SPATA9: variants seen among roughly 807,000 people sequenced by gnomAD.
The protein encoded by SPATA9 is spermatogenesis associated 9.
Under a neutral mutation model 25.5 loss-of-function variants are expected in SPATA9, and 27 were observed. That is an observed-to-expected ratio of 1.06 (90% CI 0.78 to 1.46). The LOEUF (loss-of-function observed/expected upper bound fraction) is 1.46, where lower values mean the gene tolerates loss of function less well. Among genes scored for constraint, SPATA9 ranks in the 40% most tolerant of loss-of-function variants. The probability of loss-of-function intolerance (pLI) is 0.00; values close to 1 mark genes in which losing one functional copy is unlikely to be tolerated. For synonymous variants in SPATA9, 102 were observed against 105.7 expected (o/e 0.97, Z 0.21); for missense variants, 282 against 297.5 (o/e 0.95, Z 0.38).
upstream of SPATA9, among the ~76,000 whole-genome samples, chr5:95,699,532 C>T (rs919845365): frequency 2.0e-5 from 3 of 151,778 alleles, no homozygotes; most frequent in Admixed American, 1.3e-4. Flanking sequence ...TTAGCAATAT[C>T]AACAAAAAAT....
At chr5:95,731,433 G>A in the SPATA9 span, 3 of 1,198,458 alleles carry the variant, frequency 2.5e-6, no homozygotes, top group Admixed American at 4.5e-5. Context: ...CGCGCCCGGC[G>A]ATGTTCCCGG....
At chr5:95,665,663 T>C (rs1422368057) in intron 3 of SPATA9, among the ~76,000 whole-genome samples, 1 of 152,218 alleles carries the variant, frequency 6.6e-6, no homozygotes, top group East Asian at 1.9e-4. Flanking sequence ...CTATTGTGAA[T>C]AGTATGCAGC....
chr5:95,667,595 C>A (rs1273708126), intron 3 of SPATA9, among the ~76,000 whole-genome samples: 1 of 152,100 alleles, frequency 6.6e-6, no homozygotes, highest in Non-Finnish European at 1.5e-5. Flanking sequence ...AAGTAGAGAG[C>A]AGACTCTCTA....
intron 2 of SPATA9, among the ~76,000 whole-genome samples, chr5:95,676,348 C>T (rs1752952683): frequency 6.6e-6 from 1 of 152,100 alleles, no homozygotes; most frequent in Non-Finnish European, 1.5e-5. Context: ...TTTTGCTGCA[C>T]CCATCACCCG....
intron 2 of SPATA9, among the ~76,000 whole-genome samples, chr5:95,677,439 A>G (rs1263954494): frequency 6.6e-6 from 1 of 152,260 alleles, no homozygotes; most frequent in East Asian, 1.9e-4. Flanking sequence ...TTCAGTGCAC[A>G]GTTCTATAAC....
upstream of SPATA9, among the ~76,000 whole-genome samples, chr5:95,699,336 A>G (rs941541625): frequency 6.6e-6 from 1 of 152,206 alleles, no homozygotes; most frequent in African/African-American, 2.4e-5. Flanking sequence ...AGTAAATGAG[A>G]TAATATATGT....
At chr5:95,677,116 C>T (rs559315609) in intron 2 of SPATA9, among the ~76,000 whole-genome samples, 211 of 152,338 alleles carry the variant, frequency 1.4e-3, no homozygotes, top group African/African-American at 5.0e-3. Flanking sequence ...CAGTTGTGCT[C>T]TCTATCTCTG....
At chr5:95,722,589 A>C in the SPATA9 span, among the ~76,000 whole-genome samples, 14 of 152,232 alleles carry the variant, frequency 9.2e-5, no homozygotes, top group Middle Eastern at 3.4e-3. Flanking sequence ...TCCTGGGTTC[A>C]AGCAATTCTC....
Position 95,658,534 on chromosome 5 carries a change from C to G in SPATA9, c.*89G>C. The G allele has an allele frequency of 2.1e-6, 3 of 1,413,626 alleles. 1 individual carries two copies. In the East Asian group the frequency reaches 7.4e-5, roughly 35 times the overall value. The allele number at this position is 1,413,626 out of a possible 1,614,324, so 87.6% of individuals were successfully genotyped here. The stretch of plus-strand genomic sequence containing the variant: ...TTTTTTTTAAGAAAGCAGAGCAATT[C>G]AGAATATGTAAACTAGACTCTGAGT... On this transcript the variant is annotated 3_prime_UTR_variant, in exon 5 of 5. Transcript: ENST00000274432.
the SPATA9 span, chr5:95,731,565 C>A: frequency 6.7e-7 from 1 of 1,493,242 alleles, no homozygotes; most frequent in Non-Finnish European, 8.9e-7. Context: ...TGGAGGCGCG[C>A]GAGGGGGACG....
intron 4 of SPATA9, among the ~76,000 whole-genome samples, chr5:95,660,060 G>A (rs978687181): frequency 2.0e-5 from 3 of 152,048 alleles, no homozygotes; most frequent in African/African-American, 7.2e-5. Flanking sequence ...TAGGCTTTTA[G>A]GGCTGCTGTA....
the SPATA9 span, among the ~76,000 whole-genome samples, chr5:95,728,080 A>C: frequency 1.3e-5 from 2 of 152,228 alleles, no homozygotes; most frequent in Admixed American, 1.3e-4. Context: ...CGTTGATGAG[A>C]ACTAATCATG....
intron 3 of SPATA9, among the ~76,000 whole-genome samples, chr5:95,664,640 G>A (rs941922287): frequency 1.6e-4 from 25 of 152,250 alleles, no homozygotes; most frequent in African/African-American, 5.8e-4. Flanking sequence ...TAGGTGTACC[G>A]GCCTGAAACA....
At chr5:95,663,183 C>T (rs1751428571) in intron 4 of SPATA9, among the ~76,000 whole-genome samples, 1 of 152,160 alleles carries the variant, frequency 6.6e-6, no homozygotes, top group Admixed American at 6.5e-5. Context: ...GAATACTACA[C>T]AGCAGTGAAA....
downstream of SPATA9, chr5:95,657,236 G>A (rs1024431891): frequency 1.3e-5 from 2 of 152,106 alleles, no homozygotes; most frequent in Admixed American, 6.6e-5. Flanking sequence ...TCCCGAGCAA[G>A]GTTGATGTTC....
At chr5:95,700,213 C>T (rs1012223922), upstream of SPATA9, among the ~76,000 whole-genome samples, 2 of 152,088 alleles carry the variant, frequency 1.3e-5, no homozygotes, top group African/African-American at 4.8e-5. Flanking sequence ...TTCATAGTAG[C>T]TATCTATATT....
the SPATA9 span, among the ~76,000 whole-genome samples, chr5:95,724,872 TG>T: frequency 2.2e-3 from 333 of 152,222 alleles, 1 homozygote; most frequent in African/African-American, 7.8e-3. Flanking sequence ...GCCTGGTACA[TG>T]GTAAGTATAC....
intron 2 of SPATA9, among the ~76,000 whole-genome samples, chr5:95,676,961 G>A (rs1322075183): frequency 6.6e-6 from 1 of 152,016 alleles, no homozygotes; most frequent in East Asian, 1.9e-4. Context: ...AAAACTTGTC[G>A]AAGTTTTTAG....
At chr5:95,677,726 A>G (rs889804607) in intron 2 of SPATA9, among the ~76,000 whole-genome samples, 1 of 152,238 alleles carries the variant, frequency 6.6e-6, no homozygotes, top group Non-Finnish European at 1.5e-5. Flanking sequence ...TCCTGTCTAC[A>G]ACTTCTATTT....
Sources: gnomAD v4.1 joint callset for allele counts (sites outside exome capture counted in the v4.1 genomes callset) on GRCh38, gnomAD v4.1.1 for gene constraint, MANE v1.5 for transcripts, NCBI Gene and HGNC (gene_info 2026-07-23, HGNC 2026-07-21) for gene names.